Variants in RGS12 observed in about 807,000 individuals in gnomAD.
RGS12 encodes regulator of G protein signaling 12, also known as regulator of G-protein signaling 12.
RGS12 carries 66 observed loss-of-function variants against 120.1 expected under a neutral mutation model. That is an observed-to-expected ratio of 0.55 (90% CI 0.45 to 0.67). The LOEUF is 0.67. RGS12 is among the 30% of genes least tolerant of loss of function. The pLI is 0.00. For missense variants in RGS12, 1,859 were observed against 1,957.7 expected (o/e 0.95, Z 0.95); for synonymous variants, 827 against 804.7 (o/e 1.03, Z -0.47).
chr4:3,329,608 G>T (rs1207731369), intron 2 of RGS12, among the ~76,000 whole-genome samples: 3 of 152,146 alleles, frequency 2.0e-5, no homozygotes, highest in East Asian at 3.9e-4. Context: ...ACAGTGCGGC[G>T]CACCCGAGAG....
At chr4:3,386,211 G>C (rs1445260770) in intron 3 of RGS12, 2 of 606,420 alleles carry the variant, frequency 3.3e-6, no homozygotes, top group African/African-American at 3.7e-5. Context: ...ACTTCCTCTT[G>C]TTGGGTGTCA....
upstream of RGS12, among the ~76,000 whole-genome samples, chr4:3,291,931 G>C (rs543281478): frequency 6.6e-6 from 1 of 152,288 alleles, no homozygotes; most frequent in South Asian, 2.1e-4. Context: ...TTTCCTCCTG[G>C]GATCCAAACT....
intron 17 of RGS12, among the ~76,000 whole-genome samples, chr4:3,436,788 C>T (rs1724849466): frequency 6.6e-6 from 1 of 152,202 alleles, no homozygotes; most frequent in South Asian, 2.1e-4. Flanking sequence ...AAAGAGGGGC[C>T]TTCCTGCTGC....
At position 3,428,671 on chromosome 4, in the gene RGS12, G is replaced by GAA; in HGVS notation, c.3533_3534dup (p.Tyr1179AsnfsTer32). The GAA allele has an allele frequency of 6.3e-7, 1 of 1,577,000 alleles. No individual in the cohort carries two copies. Among genetic ancestry groups the GAA allele is most frequent in the Admixed American group, 1.9e-5 (1 of 52,830 alleles). ...GAGAAGAATCTATTGCAAAGATTGG[G>GAA]AAAAAAAAATATCAGAAAATTAATT... is the stretch of plus-strand genomic sequence containing the variant. On this transcript the variant is annotated frameshift_variant, in exon 16 of 18. Transcript: ENST00000336727. LOFTEE classifies it high-confidence loss of function.
intron 14 of RGS12, chr4:3,426,719 A>C (rs925641183): frequency 1.3e-5 from 2 of 151,978 alleles, no homozygotes; most frequent in Non-Finnish European, 2.9e-5. Context: ...CCTTGTTGAG[A>C]ACCGTGCGTG....
At chr4:3,410,102 G>C (rs191480256) in intron 4 of RGS12, among the ~76,000 whole-genome samples, 118 of 152,336 alleles carry the variant, frequency 7.7e-4, no homozygotes, top group African/African-American at 1.6e-3. Flanking sequence ...AAAAGCTGGA[G>C]GAAAAATGTC....
chr4:3,323,934 A>G (rs368223506), intron 2 of RGS12: 1 of 149,628 alleles, frequency 6.7e-6, no homozygotes, highest in East Asian at 2.0e-4. Flanking sequence ...TTGAAGGAGA[A>G]TTTGTGTTAT....
Position 3,381,609 on chromosome 4 carries a change from A to AC in RGS12, c.1999-4803dup, listed in dbSNP as rs1261840155. Among the ~76,000 whole-genome samples the AC allele has an allele frequency of 3.3e-5, 5 of 152,274 alleles. No individual in the cohort carries two copies. The East Asian group carries it at 9.7e-4, about 29-fold the overall frequency. ...GAAGTGCTGAGCAAAAGAGGGACTA[A>AC]CCCCTTATAAAACCGTCAGATCTTG... On this transcript the variant is annotated intron_variant, in intron 3 of 17. Coordinates refer to ENST00000336727, the MANE Select transcript of RGS12 (RefSeq NM_001394154.1).
intron 1 of RGS12, among the ~76,000 whole-genome samples, chr4:3,306,498 AGCATAACT>A (rs1723974328): frequency 6.6e-6 from 1 of 152,236 alleles, no homozygotes; most frequent in Non-Finnish European, 1.5e-5. Context: ...AAATTTCTTT[AGCATAACT>A]GGAGTTGAAT....
At chr4:3,422,801 A>G (rs1412009956) in intron 11 of RGS12, 104 bp from the exon 12 acceptor site, 2 of 1,124,938 alleles carry the variant, frequency 1.8e-6, no homozygotes, top group African/African-American at 3.1e-5. Flanking sequence ...CTGTTTTTGA[A>G]GCTGCTCTTC....
chr4:3,291,345 GCT>G (rs869116263), upstream of RGS12, among the ~76,000 whole-genome samples: 7 of 114,122 alleles, frequency 6.1e-5, no homozygotes, highest in Non-Finnish European at 9.9e-5. Context: ...TTCTTTCCTG[GCT>G]CTTTTTTTTT....
intron 3 of RGS12, among the ~76,000 whole-genome samples, chr4:3,360,388 C>A (rs546760956): frequency 2.6e-5 from 4 of 151,240 alleles, no homozygotes; most frequent in Admixed American, 2.6e-4. Flanking sequence ...TTTATTATTT[C>A]CTTTCTTCTT....
Position 3,422,542 on chromosome 4 carries a change from C to A in RGS12, c.3005C>A (p.Ala1002Glu). 1.2e-6 allele frequency: 2 copies of A among 1,612,618 alleles called. No homozygotes were observed. The highest frequency in any genetic ancestry group is 2.2e-5 in the South Asian group (2 of 91,086). Residue 1002 changes from alanine to glutamate, a missense_variant, in exon 11 of 18, where the codon GCG becomes GAG. Ala to Glu is a moderately radical substitution (Grantham distance 107, BLOSUM62 -1). Around this residue, in one of 3 missense-constraint regions of RGS12, gnomAD observed 375 missense variants for 475.0 expected, o/e 0.79. Coordinates refer to ENST00000336727, the MANE Select transcript of RGS12 (RefSeq NM_001394154.1). ...CERHGINGAA[A>E]DLFLVGGDKP... ...CGGCATGGCATCAACGGGGCGGCCG[C>A]GGACCTCTTCCTGGTGGGCGGGGAC...
chr4:3,429,719 C>G (rs1560178036), intron 16 of RGS12, among the ~76,000 whole-genome samples: 1 of 152,198 alleles, frequency 6.6e-6, no homozygotes, highest in Non-Finnish European at 1.5e-5. Context: ...CCTGCAGGCC[C>G]CCACAGTGGC....
intron 1 of RGS12, among the ~76,000 whole-genome samples, chr4:3,311,222 C>T (rs1011267441): frequency 2.0e-5 from 3 of 152,198 alleles, no homozygotes; most frequent in South Asian, 4.1e-4. Flanking sequence ...ACGGGCAGTG[C>T]GGACGGGTGC....
At chr4:3,329,560 C>T (rs563687977) in intron 2 of RGS12, among the ~76,000 whole-genome samples, 2 of 148,700 alleles carry the variant, frequency 1.3e-5, no homozygotes, top group African/African-American at 5.2e-5. Context: ...AACAGTTACA[C>T]AAACGTCCCC....
intron 2 of RGS12, among the ~76,000 whole-genome samples, chr4:3,330,102 A>G (rs190806581): frequency 4.3e-4 from 66 of 152,324 alleles, no homozygotes; most frequent in African/African-American, 1.5e-3. Context: ...GAGGTCTCTA[A>G]GCAAATGCAC....
intron 2 of RGS12, chr4:3,324,434 G>T: frequency 4.1e-6 from 1 of 246,680 alleles, no homozygotes; most frequent in Non-Finnish European, 8.1e-6. Context: ...CAGGCCAACA[G>T]TCTCTGCTTC....
chr4:3,429,480 T>C (rs1266715414), intron 16 of RGS12, among the ~76,000 whole-genome samples: 1 of 152,132 alleles, frequency 6.6e-6, no homozygotes, highest in Non-Finnish European at 1.5e-5. Context: ...CGAGCACAAG[T>C]AAATCACACG....
Sources: allele counts gnomAD v4.1 joint callset (sites outside exome capture counted in the v4.1 genomes callset), GRCh38; gene constraint gnomAD v4.1.1; regional missense constraint gnomAD v4.1.1; transcripts MANE v1.5; gene names NCBI Gene and HGNC (gene_info 2026-07-23, HGNC 2026-07-21).